Variants in ELF5 observed in about 807,000 individuals in gnomAD.
The protein encoded by ELF5 is ETS-related transcription factor Elf-5.
A neutral mutation model predicts 38.2 loss-of-function variants in ELF5; 31 were observed. The observed-to-expected ratio is 0.81, with a 90% CI of 0.61 to 1.10. ELF5 has a LOEUF of 1.10. Among genes scored for constraint, ELF5 ranks in the 50% least tolerant of loss-of-function variants. The pLI is 0.00. For synonymous variants in ELF5, 121 were observed against 112.5 expected (o/e 1.08, Z -0.48); for missense variants, 300 against 306.6 (o/e 0.98, Z 0.16).
At chr11:34,509,627 A>AG (rs370695477) in intron 1 of ELF5, among the ~76,000 whole-genome samples, 2 of 140,592 alleles carry the variant, frequency 1.4e-5, no homozygotes, top group South Asian at 4.8e-4. Context: ...GGGGGCAGGG[A>AG]GGGGGTAGGA....
chr11:34,484,835 T>G (rs1849945203), intron 4 of ELF5, among the ~76,000 whole-genome samples: 1 of 152,142 alleles, frequency 6.6e-6, no homozygotes, highest in Non-Finnish European at 1.5e-5. Context: ...AGGCAAGGCT[T>G]TCTTCTGCCT....
At chr11:34,512,681 A>G (rs1438020678) in intron 1 of ELF5, among the ~76,000 whole-genome samples, 1 of 152,034 alleles carries the variant, frequency 6.6e-6, no homozygotes, top group Non-Finnish European at 1.5e-5. Context: ...AGCCATCAAC[A>G]ATGTATCTAA....
At chr11:34,481,586 A>G (rs1044969948) in intron 5 of ELF5, among the ~76,000 whole-genome samples, 1 of 152,218 alleles carries the variant, frequency 6.6e-6, no homozygotes, top group African/African-American at 2.4e-5. Flanking sequence ...ATGACAGTCA[A>G]ATGATCTTTT....
At chr11:34,488,527 G>T (rs757245920) in intron 4 of ELF5, among the ~76,000 whole-genome samples, 1 of 152,270 alleles carries the variant, frequency 6.6e-6, no homozygotes, top group South Asian at 2.1e-4. Flanking sequence ...CACAGGGCCT[G>T]GTTCATAGGA....
chr11:34,493,625 T>C lies in ELF5; in HGVS notation c.209A>G (p.Tyr70Cys), dbSNP rs1356933418. 2 of 1,614,206 alleles carry C rather than the reference T, an allele frequency of 1.2e-6. No individual in the cohort carries two copies. Among genetic ancestry groups the C allele is most frequent in the Admixed American group, 1.7e-5 (1 of 60,022 alleles). The stretch of plus-strand genomic sequence containing the variant: ...GGAGATGCAATTGGTGTCCAACTTG[T>C]ACTGGTCGCAGCAGAACTGGAGCCA... ...WEWLQFCCDQ[Y>C]KLDTNCISFC... is the part of the protein sequence containing the mutation. The change falls in exon 3 of 7, where the codon TAC (tyrosine) becomes TGC (cysteine). Residue 70 changes from tyrosine (Y) to cysteine (C), a missense_variant. By Grantham distance (194) the Tyr-to-Cys change is radical. Transcript: ENST00000257832.
At chr11:34,510,311 G>GT (rs33963110) in intron 1 of ELF5, among the ~76,000 whole-genome samples, 10,718 of 139,780 alleles carry the variant, frequency 0.077, 895 homozygotes, top group East Asian at 0.46. Context: ...AGAAAAAGGT[G>GT]TTTTTTTTTT....
intron 4 of ELF5, among the ~76,000 whole-genome samples, chr11:34,485,158 T>C (rs1294790847): frequency 6.7e-6 from 1 of 149,800 alleles, no homozygotes; most frequent in African/African-American, 2.4e-5. Flanking sequence ...TGATTTTCAT[T>C]TTATTGAGGA....
intron 1 of ELF5, among the ~76,000 whole-genome samples, chr11:34,511,216 A>G (rs1850746489): frequency 6.6e-6 from 1 of 152,182 alleles, no homozygotes; most frequent in East Asian, 1.9e-4. Context: ...AAATCCAACC[A>G]CTACACACAG....
At chr11:34,484,481 A>ATACTATCCTATCCTATCCTAT (rs111444312) in intron 4 of ELF5, among the ~76,000 whole-genome samples, 124 of 115,922 alleles carry the variant, frequency 1.1e-3, no homozygotes, top group East Asian at 8.1e-3. Context: ...ACACTATACT[A>ATACTATCCTATCCTATCCTAT]ACTATACTAT....
chr11:34,484,482 A>ATCCTATCCTATC, intron 4 of ELF5, among the ~76,000 whole-genome samples: 1 of 21,224 alleles, frequency 4.7e-5, no homozygotes, highest in East Asian at 1.6e-3. Context: ...CACTATACTA[A>ATCCTATCCTATC]CTATACTATA....
chr11:34,480,239 C>T lies in ELF5; in HGVS notation c.747G>A (p.Gly249=), dbSNP rs1371374411. 6.2e-7 allele frequency: 1 copy of T among 1,614,060 alleles called. No individual in the cohort carries two copies. The highest frequency in any genetic ancestry group is 8.5e-7 in the Non-Finnish European group (1 of 1,179,954). The stretch of plus-strand genomic sequence containing the variant: ...CAGATCATAGCTTGTCTTCCTGCCA[C>T]CCGTGTGCATTTTTTCCAAATTTGT... ...LVYKFGKNAH[G]WQEDKL The change falls in exon 7 of 7, where the codon GGG becomes GGA. Residue 249 remains glycine, a synonymous_variant. Coordinates refer to ENST00000257832, the MANE Select transcript of ELF5 (RefSeq NM_001422.4).
intron 4 of ELF5, among the ~76,000 whole-genome samples, chr11:34,482,989 A>C (rs1260745839): frequency 6.6e-6 from 1 of 152,036 alleles, no homozygotes; most frequent in Non-Finnish European, 1.5e-5. Flanking sequence ...AAGCATTGCC[A>C]GAGTAGTATA....
intron 4 of ELF5, among the ~76,000 whole-genome samples, chr11:34,488,075 C>T (rs1043725359): frequency 7.9e-5 from 12 of 151,696 alleles, no homozygotes; most frequent in African/African-American, 2.9e-4. Flanking sequence ...AATAGCTGTC[C>T]CTGGACCCAG....
At chr11:34,487,288 A>G (rs1379560886) in intron 4 of ELF5, among the ~76,000 whole-genome samples, 2 of 152,150 alleles carry the variant, frequency 1.3e-5, no homozygotes, top group Non-Finnish European at 2.9e-5. Flanking sequence ...CTAGGCTCCC[A>G]AATGGAGCAG....
intron 1 of ELF5, among the ~76,000 whole-genome samples, chr11:34,507,267 G>A (rs1422525413): frequency 3.9e-5 from 6 of 152,216 alleles, no homozygotes; most frequent in Non-Finnish European, 7.3e-5. Flanking sequence ...ATTGCAACAA[G>A]CACTTCACTT....
chr11:34,513,210 C>T (rs992494802), intron 1 of ELF5, among the ~76,000 whole-genome samples: 3 of 151,478 alleles, frequency 2.0e-5, no homozygotes, highest in African/African-American at 7.3e-5. Flanking sequence ...GAAAATGCCC[C>T]AAACTATAAT....
chr11:34,481,009 T>G lies in ELF5; in HGVS notation c.476-42A>C, dbSNP rs763951222. ...AACATTAACTATTTACCATTGTTTT[T>G]TAAATTAATTAATTAATTAATTAAT... On this transcript the variant is annotated intron_variant, in intron 5 of 6. Transcript: ENST00000257832. The G allele has an allele frequency of 2.2e-6, 3 of 1,354,672 alleles. No individual in the cohort carries two copies. In the African/African-American group the frequency reaches 4.6e-5, roughly 21 times the overall value. The allele number at this position is 1,354,672 out of a possible 1,614,324, so 83.9% of individuals were successfully genotyped here.
chr11:34,489,950 GC>G lies in ELF5; in HGVS notation c.406+58del, dbSNP rs755778429. On this transcript the variant is annotated intron_variant, in intron 4 of 6. Coordinates refer to ENST00000257832, the MANE Select transcript of ELF5 (RefSeq NM_001422.4). ...AGTATGATCCTAAAAGAATGGTCAA[GC>G]CCATGTACCAATGACAACCTTGACA... The G allele has an allele frequency of 8.9e-4, 1,408 of 1,581,302 alleles. 28 individuals carry two copies. Among genetic ancestry groups the G allele is most frequent in the Middle Eastern group, 1.5e-3 (9 of 6,030 alleles).
At chr11:34,512,118 C>G (rs1850775860) in intron 1 of ELF5, among the ~76,000 whole-genome samples, 2 of 152,136 alleles carry the variant, frequency 1.3e-5, no homozygotes, top group South Asian at 4.2e-4. Flanking sequence ...ATTTCCCAGC[C>G]CTTGGACCTC....
Sources: gnomAD v4.1 joint callset for allele counts (sites outside exome capture counted in the v4.1 genomes callset) on GRCh38, gnomAD v4.1.1 for gene constraint, MANE v1.5 for transcripts, NCBI Gene and HGNC (gene_info 2026-07-23, HGNC 2026-07-21) for gene names.